NLGN2: variants seen among roughly 807,000 people sequenced by gnomAD.
NLGN2 encodes neuroligin-2.
NLGN2 carries 11 observed loss-of-function variants against 48.6 expected under a neutral mutation model. That is an observed-to-expected ratio of 0.23 (90% confidence interval 0.14 to 0.37). The LOEUF (loss-of-function observed/expected upper bound fraction) is 0.37, where lower values mean the gene tolerates loss of function less well. NLGN2 is among the 10% of genes least tolerant of loss of function. NLGN2 has a pLI of 1.00. For synonymous variants in NLGN2, 548 were observed against 550.0 expected, an observed-to-expected ratio of 1.00 and a Z score of 0.05; for missense variants, 801 against 1,225.2, an observed-to-expected ratio of 0.65 and a Z score of 5.17.
At chr17:7,405,472 C>T (rs1362560776), upstream of NLGN2, 1 of 152,234 alleles carries the variant, frequency 6.6e-6, no homozygotes, top group East Asian at 1.9e-4. This position sits in a 1 kb window ranked among gnomAD's most constrained non-coding sequence, Gnocchi z 6.8. Flanking sequence ...ATCCCCCTCC[C>T]CCGCCGGGTG....
In NLGN2 at chr17:7,414,710, C is replaced by T; in HGVS notation, c.706C>T (p.Leu236=). 1 of 1,614,222 alleles carries T rather than the reference C, an allele frequency of 6.2e-7. No individual in the cohort carries two copies. Among genetic ancestry groups the T allele is most frequent in the East Asian group, 2.2e-5 (1 of 44,882 alleles). Residue 236 remains leucine, a synonymous_variant, in exon 4 of 7, where the codon CTG becomes TTG. Coordinates refer to ENST00000302926, the MANE Select transcript of NLGN2 (RefSeq NM_020795.4). ...GGCTGCAAAAGGCAACTATGGGCTC[C>T]TGGACCAGATCCAGGCCCTGCGCTG... ...DQAAKGNYGL[L]DQIQALRWLS...
chr17:7,412,327 G>T (rs1906933333), intron 2 of NLGN2, 120 bp downstream of exon 2: 3 of 739,024 alleles, frequency 4.1e-6, no homozygotes, highest in Non-Finnish European at 7.1e-6. Context: ...CAACTAAAAT[G>T]AAAAAGAAAA....
intron 2 of NLGN2, 74 bp downstream of exon 2, chr17:7,412,281 G>A: frequency 8.9e-7 from 1 of 1,121,250 alleles, no homozygotes; most frequent in African/African-American, 1.5e-5. Flanking sequence ...CTCACTAAAT[G>A]TCCCCACAGC....
upstream of NLGN2, among the ~76,000 whole-genome samples, chr17:7,404,690 A>G (rs1906535556): frequency 1.3e-5 from 2 of 149,920 alleles, no homozygotes; most frequent in African/African-American, 4.9e-5. Flanking sequence ...GATCCGGGGG[A>G]ATGTCTCCAC....
At position 7,414,949 on chromosome 17, in the gene NLGN2, C is replaced by G; in HGVS notation, c.845-7C>G. 6.2e-7 allele frequency: 1 copy of G among 1,612,850 alleles called. No homozygotes were observed. On this transcript the variant is annotated splice_polypyrimidine_tract_variant and splice_region_variant and intron_variant, in intron 4 of 6. Coordinates refer to ENST00000302926, the MANE Select transcript of NLGN2 (RefSeq NM_020795.4). ...CAGCCTGGCCTGAGGTCTGCCTGTC[C>G]CGCCAGGGCTGTTCCAGAAGGCCAT...
chr17:7,407,975 T>A lies in NLGN2; in HGVS notation c.-281T>A, dbSNP rs1311074576. On this transcript the variant is annotated 5_prime_UTR_variant, in exon 1 of 7. Coordinates refer to ENST00000302926, the MANE Select transcript of NLGN2 (RefSeq NM_020795.4). ...TTTTCTGTCTGTCCGTCTGTCTGTA[T>A]CCTGCCTCCCTGCCCCTCTCGCTCC... 2.3e-5 allele frequency: 7 copies of A among 303,810 alleles called. No individual in the cohort carries two copies. Among genetic ancestry groups the A allele is most frequent in the Non-Finnish European group, 4.2e-5 (7 of 165,202 alleles). 18.8% of individuals were successfully genotyped at this position (303,810 alleles called of 1,614,324 possible).
At position 7,413,275 on chromosome 17, in the gene NLGN2, C is replaced by A. The variant is rs1046080375; in HGVS notation, c.508+1068C>A. The stretch of plus-strand genomic sequence containing the variant: ...GAGGTCAAGGAGAATGTCTTAGTGA[C>A]CTGCAGGTTGACCTTCTGGCAGGAG... On this transcript the variant is annotated intron_variant, in intron 2 of 6. Coordinates refer to ENST00000302926, the MANE Select transcript of NLGN2 (RefSeq NM_020795.4). The surrounding 1 kb of genome is among the most constrained non-coding windows in gnomAD (Gnocchi z 4.9). Among the ~76,000 whole-genome samples, 5 of 152,192 alleles carry A rather than the reference C, an allele frequency of 3.3e-5. No homozygotes were observed. The highest frequency in any genetic ancestry group is 1.2e-4 in the African/African-American group (5 of 41,446).
Position 7,415,858 on chromosome 17 carries a change from C to T in NLGN2, c.1385C>T (p.Ala462Val), listed in dbSNP as rs772013096. ...CTCTTTACTGACCACCAATGGGTGG[C>T]ACCAGCTGTGGCCACTGCCAAGCTG... is the stretch of plus-strand genomic sequence containing the variant. ...LALFTDHQWVAPAVATAKLHA... is the reference protein window; with the variant it reads ...LALFTDHQWVVPAVATAKLHA... Residue 462 changes from alanine (A) to valine (V), a missense_variant, in exon 6 of 7, where the codon GCA becomes GTA. Transcript: ENST00000302926. The T allele has an allele frequency of 6.2e-7, 1 of 1,611,760 alleles. No homozygotes were observed. Among genetic ancestry groups the T allele is most frequent in the Admixed American group, 1.7e-5 (1 of 60,010 alleles).
rs182557801 is a variant in NLGN2, at chr17:7,408,483, G to A, written c.228G>A (p.Thr76=). Residue 76 remains threonine (T), a synonymous_variant, in exon 1 of 7, where the codon ACG becomes ACA. Transcript: ENST00000302926. This position sits in a 1 kb window ranked among gnomAD's most constrained non-coding sequence, Gnocchi z 7.5. ...AGTTCTTGGGCGTGCCCTACGCCACGCCGCCCCTGGGCGCCCGCCGCTTCC... is the reference window on the plus strand; with the variant it reads ...AGTTCTTGGGCGTGCCCTACGCCACACCGCCCCTGGGCGCCCGCCGCTTCC... ...VVQFLGVPYA[T]PPLGARRFQP... The A allele has an allele frequency of 9.5e-4, 1,435 of 1,510,344 alleles. 14 individuals are homozygous for A. In the African/African-American group the frequency reaches 0.018, roughly 19 times the overall value. 93.6% of individuals were successfully genotyped at this position (1,510,344 alleles called of 1,614,324 possible).
At chr17:7,407,624 A>G (rs2150810454), upstream of NLGN2, among the ~76,000 whole-genome samples, 2 of 152,118 alleles carry the variant, frequency 1.3e-5, no homozygotes, top group South Asian at 4.2e-4. Context: ...GGGAGGTGGG[A>G]GCTGGGACTC....
Position 7,412,164 on chromosome 17 carries a change from C to A in NLGN2, c.465C>A (p.Leu155=), listed in dbSNP as rs761937578. 6.2e-7 allele frequency: 1 copy of A among 1,602,342 alleles called. No individual in the cohort carries two copies. The highest frequency in any genetic ancestry group is 1.7e-5 in the Admixed American group (1 of 59,366). Residue 155 remains leucine (L), a synonymous_variant, in exon 2 of 7, where the codon CTC becomes CTA. Coordinates refer to ENST00000302926, the MANE Select transcript of NLGN2 (RefSeq NM_020795.4). ...NLYVPTEDGP[L]TKKRDEATLN... ...TTGTGTTCCCGGTCTTAGGTCCGCT[C>A]ACAAAAAAACGTGACGAGGCGACGC...
chr17:7,418,083 G>A lies in NLGN2; in HGVS notation c.*284G>A, dbSNP rs1327248129. On this transcript the variant is annotated 3_prime_UTR_variant, in exon 7 of 7. Transcript: ENST00000302926. ...GAATGTGGTATTTTCCCGCGTGGAG[G>A]TGTGCTTTCTCACAACGGGGTGTGT... 3.9e-6 allele frequency: 1 copy of A among 259,234 alleles called. No individual in the cohort carries two copies. Among genetic ancestry groups the A allele is most frequent in the African/African-American group, 2.2e-5 (1 of 45,248 alleles). 16.1% of individuals were successfully genotyped at this position (259,234 alleles called of 1,614,324 possible). A position where few individuals can be genotyped will look rare whatever the true frequency, so the allele number is the denominator to read the frequency against.
intron 1 of NLGN2, among the ~76,000 whole-genome samples, chr17:7,409,196 T>C (rs373654500): frequency 2.8e-4 from 42 of 152,190 alleles, no homozygotes; most frequent in African/African-American, 9.6e-4. Context: ...CCCTGGCTGG[T>C]GAGGGCTGCC....
rs9899036 is a variant in NLGN2 at position 7,419,121 on chromosome 17, G to T, written c.*1322G>T. 0.33 allele frequency: 50,692 copies of T among 151,944 alleles called. 9,536 individuals carry two copies. Among genetic ancestry groups the T allele is most frequent in the African/African-American group, 0.5 (20,616 of 41,270 alleles). The allele number at this position is 151,944 out of a possible 1,614,324, so 9.4% of individuals were successfully genotyped here. On this transcript the variant is annotated 3_prime_UTR_variant, in exon 7 of 7. Coordinates refer to ENST00000302926, the MANE Select transcript of NLGN2 (RefSeq NM_020795.4). Reference sequence around the variant, plus strand: ...CAGTGTCAGACCAGCCTTCTCCTCAGCTGACCACCCTCCTCTGACCCACGC... The same window carrying T: ...CAGTGTCAGACCAGCCTTCTCCTCATCTGACCACCCTCCTCTGACCCACGC...
chr17:7,412,306 A>G, intron 2 of NLGN2, 99 bp downstream of exon 2: 1 of 818,680 alleles, frequency 1.2e-6, no homozygotes, highest in Admixed American at 2.0e-5. Context: ...AAGGCCCCTC[A>G]GTCGTTCTCC....
Position 7,413,812 on chromosome 17 carries a change from C to A in NLGN2, c.509-532C>A, listed in dbSNP as rs1243900577. On this transcript the variant is annotated intron_variant, in intron 2 of 6. Coordinates refer to ENST00000302926, the MANE Select transcript of NLGN2 (RefSeq NM_020795.4). The surrounding 1 kb of genome is among the most constrained non-coding windows in gnomAD (Gnocchi z 4.9). ...GAATTAGGGCGGGGAGGAGACCAAGCCCCAGGGACCCTAGGCCTGGCACCC... is the reference window on the plus strand; with the variant it reads ...GAATTAGGGCGGGGAGGAGACCAAGACCCAGGGACCCTAGGCCTGGCACCC... Among the ~76,000 whole-genome samples, 1 of 151,958 alleles carries A rather than the reference C, an allele frequency of 6.6e-6. No homozygotes were observed. The highest frequency in any genetic ancestry group is 2.4e-5 in the African/African-American group (1 of 41,340).
upstream of NLGN2, among the ~76,000 whole-genome samples, chr17:7,406,399 A>G (rs980570095): frequency 1.3e-5 from 2 of 151,786 alleles, no homozygotes; most frequent in Non-Finnish European, 2.9e-5. Flanking sequence ...CAGCAAGGCC[A>G]TGGTAGCTGA....
intron 1 of NLGN2, among the ~76,000 whole-genome samples, chr17:7,410,849 TCA>T (rs1906855098): frequency 6.6e-6 from 1 of 152,118 alleles, no homozygotes; most frequent in African/African-American, 2.4e-5. Context: ...CTTCATAGAC[TCA>T]CGTGCACACG....
In NLGN2 at chr17:7,415,913, T is replaced by G; in HGVS notation, c.1440T>G (p.Phe480Leu). The G allele has an allele frequency of 6.2e-7, 1 of 1,613,288 alleles. No homozygotes were observed. The highest frequency in any genetic ancestry group is 8.5e-7 in the Non-Finnish European group (1 of 1,179,420). ...LHADYQSPVY[F>L]YTFYHHCQAE... ...CCGACTACCAGTCTCCCGTCTACTT[T>G]TACACCTTCTACCACCACTGCCAGG... The change falls in exon 6 of 7, where the codon TTT (phenylalanine) becomes TTG (leucine). Residue 480 changes from phenylalanine to leucine, a missense_variant. Physicochemically the swap from Phe to Leu is conservative, Grantham distance 22. Transcript: ENST00000302926.
Sources: allele counts gnomAD v4.1 joint callset (sites outside exome capture counted in the v4.1 genomes callset), GRCh38; gene constraint gnomAD v4.1.1; non-coding constraint Gnocchi (gnomAD v3.1); transcripts MANE v1.5; gene names NCBI Gene and HGNC (gene_info 2026-07-23, HGNC 2026-07-21).